The following CDC16 variants were observed in gnomAD, a reference collection of about 807,000 sequenced individuals.
CDC16 encodes the protein cell division cycle protein 16 homolog.
In CDC16, 34 loss-of-function variants were observed where a neutral mutation model predicts 87.0. The observed-to-expected ratio is 0.39, with a 90% CI of 0.30 to 0.52. The LOEUF is 0.52. CDC16 is among the 20% of genes least tolerant of loss of function. CDC16 has a pLI of 0.74. For synonymous variants in CDC16, 263 were observed against 260.6 expected, an observed-to-expected ratio of 1.01 and a Z score of -0.09; for missense variants, 653 against 751.9, an observed-to-expected ratio of 0.87 and a Z score of 1.54.
chr13:114,242,654 T>C (rs1489536802), intron 6 of CDC16: 1 of 187,154 alleles, frequency 5.3e-6, no homozygotes, highest in African/African-American at 2.4e-5. Context: ...TCCCAGGTGA[T>C]CCTAATGTAC....
At chr13:114,261,823 T>G (rs2082878286) in intron 14 of CDC16, 64 bp from the exon 15 acceptor site, 2 of 1,175,208 alleles carry the variant, frequency 1.7e-6, no homozygotes, top group Admixed American at 2.2e-5. Context: ...AATAATTCAG[T>G]GCAAACAAAT....
At chr13:114,241,334 G>A (rs1410825305) in intron 5 of CDC16, among the ~76,000 whole-genome samples, 1 of 152,244 alleles carries the variant, frequency 6.6e-6, no homozygotes, top group Admixed American at 6.5e-5. Flanking sequence ...GAGGTTACAA[G>A]TAATTGGCAG....
chr13:114,267,003 C>T (rs2083269863), intron 17 of CDC16, among the ~76,000 whole-genome samples: 1 of 151,802 alleles, frequency 6.6e-6, no homozygotes, highest in Non-Finnish European at 1.5e-5. Flanking sequence ...GCCAATATTA[C>T]TGAATCTTAC....
At chr13:114,249,782 A>G (rs1351998455) in intron 11 of CDC16, among the ~76,000 whole-genome samples, 1 of 152,188 alleles carries the variant, frequency 6.6e-6, no homozygotes, top group African/African-American at 2.4e-5. Context: ...CTACTAGGTT[A>G]CAAAATGGAG....
intron 12 of CDC16, among the ~76,000 whole-genome samples, chr13:114,252,222 T>C (rs1049251807): frequency 6.6e-6 from 1 of 151,974 alleles, no homozygotes; most frequent in Admixed American, 6.5e-5. Flanking sequence ...ACACTAGCCC[T>C]GTTGGATAAG....
At position 114,243,900 on chromosome 13, in the gene CDC16, C is replaced by A. The variant is rs761863907; in HGVS notation, c.678C>A (p.Gly226=). The change falls in exon 8 of 18, where the codon GGC becomes GGA. Residue 226 remains glycine (G), a synonymous_variant. Coordinates refer to ENST00000356221, the MANE Select transcript of CDC16 (RefSeq NM_001078645.3). ...SETVIPESVD[G]LQENLDVVVS... ...CGGTCATCCCTGAATCTGTAGATGG[C>A]TTGCAAGAGAATCTGGATGTGGTAG... 3.1e-6 allele frequency: 5 copies of A among 1,607,162 alleles called. No homozygotes were observed. In the Admixed American group the frequency reaches 6.7e-5, roughly 21 times the overall value.
chr13:114,240,971 G>T lies in CDC16; in HGVS notation c.382-1150G>T, dbSNP rs17337891. Among the ~76,000 whole-genome samples the T allele has an allele frequency of 2.2e-3, 337 of 152,278 alleles. 2 individuals carry two copies. The highest frequency in any genetic ancestry group is 4.1e-3 in the South Asian group (20 of 4,832). On this transcript the variant is annotated intron_variant, in intron 5 of 17. Coordinates refer to ENST00000356221, the MANE Select transcript of CDC16 (RefSeq NM_001078645.3). ...AAAACAACTCCTAGGATATTGCTTA[G>T]TTCGAAGACTCTCATAATTCATTAT...
intron 12 of CDC16, among the ~76,000 whole-genome samples, chr13:114,252,556 G>A (rs1453382302): frequency 6.6e-6 from 1 of 152,120 alleles, no homozygotes; most frequent in Non-Finnish European, 1.5e-5. Context: ...TGTTCACCAA[G>A]ATGAGTGAGA....
In CDC16 at chr13:114,262,945, C is replaced by T; in HGVS notation, c.1443C>T (p.Thr481=). The change falls in exon 16 of 18, where the codon ACC becomes ACT. Residue 481 remains threonine, a synonymous_variant. Transcript: ENST00000356221. ...TGTTGATTCCTCAGAACGCATCCAC[C>T]TACTCTGCTATTGGATATATCCACA... is the stretch of plus-strand genomic sequence containing the variant. ...ALVLIPQNAS[T]YSAIGYIHSL... 1 of 1,613,134 alleles carries T rather than the reference C, an allele frequency of 6.2e-7. No individual in the cohort carries two copies. The highest frequency in any genetic ancestry group is 1.1e-5 in the South Asian group (1 of 91,064).
chr13:114,248,222 A>C (rs571150098), intron 11 of CDC16, among the ~76,000 whole-genome samples: 5 of 152,242 alleles, frequency 3.3e-5, no homozygotes, highest in Admixed American at 3.3e-4. Context: ...AACTCTGTAA[A>C]TGTTCTAATT....
chr13:114,254,909 C>T (rs2082404794), intron 12 of CDC16, among the ~76,000 whole-genome samples: 1 of 152,212 alleles, frequency 6.6e-6, no homozygotes, highest in South Asian at 2.1e-4. Flanking sequence ...CATCTATCCT[C>T]TCTGAAGCCT....
At chr13:114,268,186 T>G (rs1174137008) in intron 17 of CDC16, among the ~76,000 whole-genome samples, 1 of 151,964 alleles carries the variant, frequency 6.6e-6, no homozygotes, top group African/African-American at 2.4e-5. Context: ...TGGAGATAGC[T>G]CCAGCTCATG....
At position 114,242,131 on chromosome 13, in the gene CDC16, C is replaced by T; in HGVS notation, c.392C>T (p.Ser131Phe). ...WEMSQSSIKS[S>F]ICLLRGKIYD... ...TCATTTTTCCAACAGATAAAGAGTT[C>T]TATCTGTCTTCTACGCGGGAAAATC... is the stretch of plus-strand genomic sequence containing the variant. Residue 131 changes from serine to phenylalanine, a missense_variant, in exon 6 of 18, where the codon TCT (serine) becomes TTT (phenylalanine). By Grantham distance (155) the Ser-to-Phe change is radical. Transcript: ENST00000356221. The T allele has an allele frequency of 6.2e-7, 1 of 1,605,216 alleles. No homozygotes were observed. The highest frequency in any genetic ancestry group is 1.1e-5 in the South Asian group (1 of 88,836).
At chr13:114,245,876 A>G (rs1201287591) in intron 9 of CDC16, 124 bp from the exon 10 acceptor site, 1 of 635,384 alleles carries the variant, frequency 1.6e-6, no homozygotes, top group Non-Finnish European at 2.8e-6. Flanking sequence ...TCTAGAAGGA[A>G]AGACAAGTAT....
At chr13:114,263,939 C>A (rs1423994419) in intron 16 of CDC16, among the ~76,000 whole-genome samples, 1 of 152,100 alleles carries the variant, frequency 6.6e-6, no homozygotes, top group East Asian at 1.9e-4. Context: ...TAATAGGAAA[C>A]CACAGGTAAA....
intron 8 of CDC16, 106 bp from the exon 9 acceptor site, chr13:114,244,784 C>G (rs781731309): frequency 3.2e-6 from 2 of 623,666 alleles, no homozygotes; most frequent in Non-Finnish European, 5.7e-6. Context: ...TGTTACAACC[C>G]ACAGCATCAT....
intron 3 of CDC16, 54 bp downstream of exon 3, chr13:114,236,950 T>C: frequency 8.1e-7 from 1 of 1,229,616 alleles, no homozygotes; most frequent in Non-Finnish European, 1.1e-6. Flanking sequence ...AAAATGTCAT[T>C]AGTGGCCGGG....
At chr13:114,256,206 A>T (rs1036785884) in intron 12 of CDC16, among the ~76,000 whole-genome samples, 1 of 152,194 alleles carries the variant, frequency 6.6e-6, no homozygotes, top group Non-Finnish European at 1.5e-5. Flanking sequence ...TTACCTTCCA[A>T]AGTTCTGAAA....
chr13:114,252,441 A>G (rs536669278), intron 12 of CDC16, among the ~76,000 whole-genome samples: 4 of 152,340 alleles, frequency 2.6e-5, no homozygotes, highest in South Asian at 2.1e-4. Flanking sequence ...CAAACAGTCC[A>G]TAGCACTAAT....
Sources: allele counts gnomAD v4.1 joint callset (sites outside exome capture counted in the v4.1 genomes callset), GRCh38; gene constraint gnomAD v4.1.1; transcripts MANE v1.5; gene names NCBI Gene and HGNC (gene_info 2026-07-23, HGNC 2026-07-21).